OSBPL6: variants seen among roughly 807,000 people sequenced by gnomAD.
The protein encoded by OSBPL6 is oxysterol binding protein like 6.
In OSBPL6, 49 loss-of-function variants were observed where a neutral mutation model predicts 125.8. The ratio of observed to expected loss-of-function variants is 0.39; its 90% CI spans 0.31 to 0.49. OSBPL6 has a LOEUF of 0.49. Ranked by LOEUF, OSBPL6 falls within the 20% of genes least tolerant of loss-of-function variation. OSBPL6 has a pLI of 0.88. For synonymous variants in OSBPL6, 394 were observed against 391.8 expected (o/e 1.01, Z -0.07); for missense variants, 986 against 1,135.4 (o/e 0.87, Z 1.89).
At chr2:178,349,949 A>G (rs1691094479) in intron 12 of OSBPL6, among the ~76,000 whole-genome samples, 1 of 152,192 alleles carries the variant, frequency 6.6e-6, no homozygotes, top group Admixed American at 6.5e-5. Context: ...AAGGCTGCAC[A>G]CAACTGTGCC....
intron 3 of OSBPL6, among the ~76,000 whole-genome samples, chr2:178,311,742 G>T (rs1687288588): frequency 6.6e-6 from 1 of 152,190 alleles, no homozygotes; most frequent in Non-Finnish European, 1.5e-5. Flanking sequence ...AGTCCCACAA[G>T]AGTGGATTTT....
intron 1 of OSBPL6, among the ~76,000 whole-genome samples, chr2:178,263,227 C>T (rs1348051489): frequency 1.3e-5 from 2 of 152,162 alleles, no homozygotes; most frequent in African/African-American, 4.8e-5. Flanking sequence ...GCCTGTAATA[C>T]CAACACTTTG....
chr2:178,328,314 A>T lies in OSBPL6; in HGVS notation c.254A>T (p.Lys85Ile), dbSNP rs745898477. 6.2e-7 allele frequency: 1 copy of T among 1,613,996 alleles called. No homozygotes were observed. Among genetic ancestry groups the T allele is most frequent in the Admixed American group, 1.7e-5 (1 of 60,026 alleles). ...AAAATAGGCCAAACCAATGTCCAGA[A>T]ACCAGACAAACATGAGGGCTTTATG... ...GLKIGQTNVQ[K>I]PDKHEGFMLK... The change falls in exon 5 of 25, where the codon AAA (lysine) becomes ATA (isoleucine). Residue 85 changes from lysine to isoleucine, a missense_variant. Lys to Ile is a moderately radical substitution (Grantham distance 102). This residue lies in a region of OSBPL6 where 130 missense variants were observed against 106.4 expected (regional missense o/e 1.22). Transcript: ENST00000190611.
At chr2:178,378,885 G>T (rs80017561) in intron 15 of OSBPL6, among the ~76,000 whole-genome samples, 21,995 of 152,122 alleles carry the variant, frequency 0.14, 1,685 homozygotes, top group Non-Finnish European at 0.17. Context: ...GAAGAGGAAG[G>T]CCAGGCATGG....
intron 2 of OSBPL6, among the ~76,000 whole-genome samples, chr2:178,293,025 A>G (rs1480453309): frequency 6.6e-6 from 1 of 151,622 alleles, no homozygotes; most frequent in Non-Finnish European, 1.5e-5. Flanking sequence ...AACTGGCACT[A>G]TAAGTAGTTA....
intron 11 of OSBPL6, chr2:178,344,420 T>G: frequency 1.3e-6 from 2 of 1,528,986 alleles, no homozygotes; most frequent in South Asian, 1.1e-5. Flanking sequence ...TGTACAAGGA[T>G]GACTCCCCTG....
intron 1 of OSBPL6, among the ~76,000 whole-genome samples, chr2:178,216,495 G>A (rs900660327): frequency 2.6e-5 from 4 of 152,090 alleles, no homozygotes; most frequent in African/African-American, 7.3e-5. Flanking sequence ...ATAAATAAGC[G>A]GAGGTGAGAG....
chr2:178,217,521 G>GAAGAGA (rs1232166247), intron 1 of OSBPL6, among the ~76,000 whole-genome samples: 1 of 152,184 alleles, frequency 6.6e-6, no homozygotes, highest in Non-Finnish European at 1.5e-5. Flanking sequence ...AGGCAGAAGA[G>GAAGAGA]AAGAGAAAGA....
intron 21 of OSBPL6, 80 bp from the exon 22 acceptor site, chr2:178,390,993 G>T: frequency 6.4e-7 from 1 of 1,568,910 alleles, no homozygotes; most frequent in East Asian, 2.3e-5. Flanking sequence ...TCAAGGCTAA[G>T]AAATTTTTCT....
At chr2:178,341,333 C>CTTTT (rs60436384) in intron 11 of OSBPL6, among the ~76,000 whole-genome samples, 34 of 117,390 alleles carry the variant, frequency 2.9e-4, no homozygotes, top group African/African-American at 6.6e-4. Context: ...CCAAATCATT[C>CTTTT]TTTTTTTTTT....
chr2:178,324,640 T>G (rs1229246301), intron 4 of OSBPL6, among the ~76,000 whole-genome samples: 1 of 152,226 alleles, frequency 6.6e-6, no homozygotes, highest in Non-Finnish European at 1.5e-5. Flanking sequence ...TTATTGCCCA[T>G]GTACTGCATC....
chr2:178,348,283 G>A (rs753578850), intron 11 of OSBPL6, among the ~76,000 whole-genome samples: 3 of 152,200 alleles, frequency 2.0e-5, no homozygotes, highest in East Asian at 1.9e-4. Flanking sequence ...TTGTGGTGGA[G>A]TCTAAGAGTC....
chr2:178,239,036 A>G (rs1057129045), intron 1 of OSBPL6, among the ~76,000 whole-genome samples: 49 of 152,196 alleles, frequency 3.2e-4, no homozygotes, highest in Admixed American at 9.8e-4. Context: ...ATTAAAAAAT[A>G]TATTTCAACA....
intron 1 of OSBPL6, among the ~76,000 whole-genome samples, chr2:178,283,406 A>G (rs1290110616): frequency 1.3e-5 from 2 of 152,090 alleles, no homozygotes; most frequent in African/African-American, 2.4e-5. Context: ...AAGGAAAACT[A>G]AAACAGAGTG....
chr2:178,276,021 T>TTTAC (rs2092461836), intron 1 of OSBPL6, among the ~76,000 whole-genome samples: 1 of 152,208 alleles, frequency 6.6e-6, no homozygotes, highest in Admixed American at 6.5e-5. Flanking sequence ...GTAATTGAGT[T>TTTAC]AAGATAGTTT....
At chr2:178,305,523 G>A (rs560614737) in intron 2 of OSBPL6, among the ~76,000 whole-genome samples, 1 of 152,362 alleles carries the variant, frequency 6.6e-6, no homozygotes, top group South Asian at 2.1e-4. Flanking sequence ...ACAAATAAAT[G>A]TGGATATATG....
At chr2:178,216,910 T>A (rs1030195128) in intron 1 of OSBPL6, among the ~76,000 whole-genome samples, 7 of 152,110 alleles carry the variant, frequency 4.6e-5, no homozygotes, top group African/African-American at 1.4e-4. Context: ...GAGAAACTAC[T>A]CCACACTGAA....
intron 1 of OSBPL6, among the ~76,000 whole-genome samples, chr2:178,280,720 A>C (rs949162352): frequency 1.3e-5 from 2 of 152,236 alleles, no homozygotes; most frequent in African/African-American, 2.4e-5. Context: ...ACACAGTGTC[A>C]GAGTTAACAA....
At chr2:178,203,865 G>A (rs2089387543) in intron 1 of OSBPL6, among the ~76,000 whole-genome samples, 1 of 152,128 alleles carries the variant, frequency 6.6e-6, no homozygotes, top group African/African-American at 2.4e-5. Flanking sequence ...TGAATCATGA[G>A]GCTTTCTAGT....
Sources: gnomAD v4.1 joint callset for allele counts (sites outside exome capture counted in the v4.1 genomes callset) on GRCh38, gnomAD v4.1.1 for gene constraint, gnomAD v4.1.1 regional missense constraint, MANE v1.5 for transcripts, NCBI Gene and HGNC (gene_info 2026-07-23, HGNC 2026-07-21) for gene names.